The following DNAH5 variants were observed in gnomAD, a reference collection of about 807,000 sequenced individuals.
The protein encoded by DNAH5 is dynein axonemal heavy chain 5.
In DNAH5, 372 loss-of-function variants were observed where a neutral mutation model predicts 518.2. The ratio of observed to expected loss-of-function variants is 0.72; its 90% CI spans 0.66 to 0.78. DNAH5 has a LOEUF of 0.78. Ranked by LOEUF, DNAH5 falls within the 30% of genes least tolerant of loss-of-function variation. The pLI is 0.00. For synonymous variants in DNAH5, 2,039 were observed against 2,025.9 expected, an observed-to-expected ratio of 1.01 and a Z score of -0.17; for missense variants, 5,523 against 5,687.0, an observed-to-expected ratio of 0.97 and a Z score of 0.93.
intron 1 of DNAH5, among the ~76,000 whole-genome samples, chr5:13,984,360 A>G (rs936398891): frequency 6.6e-6 from 1 of 152,108 alleles, no homozygotes; most frequent in African/African-American, 2.4e-5. Context: ...AACGCTTGTG[A>G]TTTATCCACA....
chr5:13,706,571 G>A (rs1231514539), intron 76 of DNAH5, among the ~76,000 whole-genome samples: 5 of 152,090 alleles, frequency 3.3e-5, no homozygotes, highest in African/African-American at 1.2e-4. Flanking sequence ...CCCATAACAT[G>A]GGTGTGCATG....
At chr5:13,935,967 A>C (rs1430838008) in intron 1 of DNAH5, among the ~76,000 whole-genome samples, 5 of 152,222 alleles carry the variant, frequency 3.3e-5, no homozygotes, top group Non-Finnish European at 7.3e-5. Context: ...CATGGCCAGA[A>C]ATCTATTCAA....
intron 1 of DNAH5, among the ~76,000 whole-genome samples, chr5:13,941,059 C>T (rs1246661455): frequency 1.9e-5 from 1 of 52,718 alleles, no homozygotes; most frequent in Non-Finnish European, 4.9e-5. Context: ...GCTCAGTGGG[C>T]CTTTACAAGC....
Position 13,751,277 on chromosome 5 carries a change from A to T in DNAH5, c.11029-17T>A. The stretch of plus-strand genomic sequence containing the variant: ...AACTTTCACCTTTTTTATAAAAAGA[A>T]ATTTAAAAGTAATAAAATAGAGATA... On this transcript the variant is annotated splice_polypyrimidine_tract_variant and intron_variant, in intron 64 of 78. Transcript: ENST00000265104. The T allele has an allele frequency of 6.3e-7, 1 of 1,592,410 alleles. No homozygotes were observed. The highest frequency in any genetic ancestry group is 1.7e-5 in the Admixed American group (1 of 58,822).
Position 13,690,534 on chromosome 5 carries a change from T to C in DNAH5, c.*1450A>G, listed in dbSNP as rs1453308157. 2 of 152,158 alleles carry C rather than the reference T, an allele frequency of 1.3e-5. No individual in the cohort carries two copies. The highest frequency in any genetic ancestry group is 2.9e-5 in the Non-Finnish European group (2 of 68,032). 9.4% of individuals were successfully genotyped at this position (152,158 alleles called of 1,614,324 possible). ...GTCCTAACTCTCATGATCATGAGCATGAAATAATGATCCTGGTCCACAGAA... is the reference window on the plus strand; with the variant it reads ...GTCCTAACTCTCATGATCATGAGCACGAAATAATGATCCTGGTCCACAGAA... On this transcript the variant is annotated 3_prime_UTR_variant, in exon 79 of 79. Transcript: ENST00000265104.
chr5:13,755,992 T>TC (rs1194953120), intron 61 of DNAH5, among the ~76,000 whole-genome samples: 3 of 152,042 alleles, frequency 2.0e-5, no homozygotes, highest in South Asian at 2.1e-4. Context: ...TTCCGTGAGT[T>TC]CCCCCCAGCC....
At chr5:13,750,067 A>C (rs1749992015) in intron 65 of DNAH5, among the ~76,000 whole-genome samples, 1 of 152,100 alleles carries the variant, frequency 6.6e-6, no homozygotes, top group African/African-American at 2.4e-5. Context: ...AGGAAAAGGG[A>C]AGGGAGAGAG....
chr5:13,989,539 A>G (rs10059857), intron 1 of DNAH5, among the ~76,000 whole-genome samples: 44,430 of 144,964 alleles, frequency 0.31, 7,124 homozygotes, highest in East Asian at 0.66. Context: ...GCTGGAGTGC[A>G]GTGGCGCGAT....
chr5:13,996,633 A>G (rs995796342), intron 1 of DNAH5, among the ~76,000 whole-genome samples: 2 of 152,222 alleles, frequency 1.3e-5, no homozygotes, highest in Non-Finnish European at 2.9e-5. Context: ...GGCAAACAAC[A>G]TTAAACCTTA....
intron 15 of DNAH5, among the ~76,000 whole-genome samples, chr5:13,897,007 A>G (rs186357460): frequency 6.6e-5 from 10 of 152,312 alleles, no homozygotes; most frequent in African/African-American, 2.2e-4. Context: ...TTGATAGATA[A>G]ATTTTGAAAA....
At position 13,913,458 on chromosome 5, in the gene DNAH5, A is replaced by T. The variant is rs74613211; in HGVS notation, c.1536+285T>A. Among the ~76,000 whole-genome samples, 3,450 of 152,222 alleles carry T rather than the reference A, an allele frequency of 0.023. 82 individuals carry two copies. The highest frequency in any genetic ancestry group is 0.062 in the African/African-American group (2,583 of 41,542). On this transcript the variant is annotated intron_variant, in intron 11 of 78. Coordinates refer to ENST00000265104, the MANE Select transcript of DNAH5 (RefSeq NM_001369.3). ...AGAATAAATAAAACAATAAGTTACA[A>T]TTAAACATTTTTCTTGTGCTACTAA...
At chr5:13,846,182 T>C (rs1407007057) in intron 31 of DNAH5, among the ~76,000 whole-genome samples, 1 of 152,022 alleles carries the variant, frequency 6.6e-6, no homozygotes, top group Non-Finnish European at 1.5e-5. Flanking sequence ...GCAGGTTTGT[T>C]ATACAGGTAA....
At chr5:13,780,142 T>C (rs540576500) in intron 53 of DNAH5, among the ~76,000 whole-genome samples, 6 of 152,354 alleles carry the variant, frequency 3.9e-5, no homozygotes, top group Admixed American at 2.6e-4. Flanking sequence ...CACACTTAAC[T>C]GCTCTTCTGC....
intron 12 of DNAH5, among the ~76,000 whole-genome samples, chr5:13,907,267 C>T (rs1775427358): frequency 6.6e-6 from 1 of 152,096 alleles, no homozygotes; most frequent in Admixed American, 6.5e-5. Flanking sequence ...CCCATCTGTA[C>T]TAAAAATACA....
rs756212532 is a variant in DNAH5, at chr5:13,886,139, A to C, written c.2578-10T>G. 785 of 771,940 alleles carry C rather than the reference A, an allele frequency of 1.0e-3. No individual in the cohort carries two copies. The highest frequency in any genetic ancestry group is 1.3e-3 in the Non-Finnish European group (757 of 566,612). 47.8% of individuals were successfully genotyped at this position (771,940 alleles called of 1,614,324 possible). A position where few individuals can be genotyped will look rare whatever the true frequency, so the allele number is the denominator to read the frequency against. ...CATTTACACAAAGATCCTAACCAAA[A>C]AAAAAAAAAAAAAAAGATAGCACAG... On this transcript the variant is annotated splice_polypyrimidine_tract_variant and intron_variant, in intron 17 of 78. Transcript: ENST00000265104.
At chr5:13,890,946 T>C in intron 17 of DNAH5, 30 bp downstream of exon 17, 1 of 1,613,526 alleles carries the variant, frequency 6.2e-7, no homozygotes, top group Non-Finnish European at 8.5e-7. Context: ...ACCAAAAACC[T>C]TAAACAAAAA....
intron 21 of DNAH5, among the ~76,000 whole-genome samples, chr5:13,877,549 G>A (rs1771065249): frequency 6.6e-6 from 1 of 152,192 alleles, no homozygotes; most frequent in Admixed American, 6.5e-5. Flanking sequence ...TCTATTCTCA[G>A]ATCAATTCCA....
Position 13,914,560 on chromosome 5 carries a change from A to G in DNAH5, c.1280T>C (p.Val427Ala). ...CGCAGATAGTATTTTTTCTTCAACA[A>G]CATCCTGTGGCTGGTTCCAGATGGA... ...TASIWNQPQD[V>A]VEEKILSAIK... Residue 427 changes from valine to alanine, a missense_variant, in exon 10 of 79, where the codon GTT (valine) becomes GCT (alanine). Physicochemically the swap from Val to Ala is moderately conservative, Grantham distance 64 (BLOSUM62 0). Around this residue, in one of 3 missense-constraint regions of DNAH5, gnomAD observed 5,121 missense variants for 5,223.3 expected, o/e 0.98. Coordinates refer to ENST00000265104, the MANE Select transcript of DNAH5 (RefSeq NM_001369.3). 3 of 1,613,494 alleles carry G rather than the reference A, an allele frequency of 1.9e-6. No individual in the cohort carries two copies. Among genetic ancestry groups the G allele is most frequent in the Non-Finnish European group, 2.5e-6 (3 of 1,179,494 alleles).
chr5:13,754,306 G>T lies in DNAH5; in HGVS notation c.10452C>A (p.His3484Gln). 1 of 1,614,082 alleles carries T rather than the reference G, an allele frequency of 6.2e-7. No individual in the cohort carries two copies. The highest frequency in any genetic ancestry group is 8.5e-7 in the Non-Finnish European group (1 of 1,179,968). Residue 3484 changes from histidine to glutamine, a missense_variant, in exon 62 of 79, where the codon CAC becomes CAA. By Grantham distance (24) the His-to-Gln change is conservative (BLOSUM62 0). Coordinates refer to ENST00000265104, the MANE Select transcript of DNAH5 (RefSeq NM_001369.3). ...TLLEDAERCRHKMQTASTLIS... is the reference protein window; with the variant it reads ...TLLEDAERCRQKMQTASTLIS... Reference sequence around the variant, plus strand: ...TGAGCGTGGAAGCTGTCTGCATCTTGTGTCTGCATCGCTCTGCATCTTCAA... The same window carrying T: ...TGAGCGTGGAAGCTGTCTGCATCTTTTGTCTGCATCGCTCTGCATCTTCAA...
Sources: allele counts gnomAD v4.1 joint callset (sites outside exome capture counted in the v4.1 genomes callset), GRCh38; gene constraint gnomAD v4.1.1; regional missense constraint gnomAD v4.1.1; transcripts MANE v1.5; gene names NCBI Gene and HGNC (gene_info 2026-07-23, HGNC 2026-07-21).